The following AR variants were observed in gnomAD, a reference collection of about 807,000 sequenced individuals.
AR encodes dihydrotestosterone receptor.
In AR, 8 loss-of-function variants were observed where a neutral mutation model predicts 53.9. The observed-to-expected ratio is 0.15, with a 90% CI of 0.09 to 0.27. The LOEUF (loss-of-function observed/expected upper bound fraction) is 0.27. AR is among the 10% of genes least tolerant of loss of function. AR has a pLI of 1.00. For synonymous variants in AR, 359 were observed against 316.4 expected (o/e 1.13, Z -1.43); for missense variants, 639 against 742.5 (o/e 0.86, Z 1.62).
intron 1 of AR, among the ~76,000 whole-genome samples, chrX:67,582,520 C>T (rs1202545130): frequency 9.0e-6 from 1 of 111,605 alleles, no homozygotes; most frequent in Non-Finnish European, 1.9e-5. Context: ...GACAGAATTG[C>T]CTTTGACTTA....
intron 1 of AR, among the ~76,000 whole-genome samples, chrX:67,596,998 T>C (rs972105966): frequency 8.9e-6 from 1 of 111,903 alleles, no homozygotes; most frequent in African/African-American, 3.3e-5. Flanking sequence ...AACAGAGAGG[T>C]AAGTGATTTG....
intron 2 of AR, among the ~76,000 whole-genome samples, chrX:67,646,784 G>A (rs776873013): frequency 4.5e-5 from 5 of 110,781 alleles, no homozygotes; most frequent in Admixed American, 1.9e-4. Flanking sequence ...TTTTGTGACC[G>A]TTCTACAAAT....
At chrX:67,681,731 G>A (rs758415213) in intron 2 of AR, among the ~76,000 whole-genome samples, 5 of 112,361 alleles carry the variant, frequency 4.4e-5, no homozygotes, top group Non-Finnish European at 9.4e-5. Flanking sequence ...CTGTATTCAA[G>A]AAAAGATAGG....
chrX:67,563,920 T>C (rs1001904581), intron 1 of AR, among the ~76,000 whole-genome samples: 9 of 111,564 alleles, frequency 8.1e-5, no homozygotes, highest in Middle Eastern at 4.6e-3. Context: ...GTTGCACATA[T>C]TGGCACCCTT....
rs770157351 is a variant in AR at position 67,721,183 on chromosome X, G to GACATTTAAAC, written c.2319-649_2319-640dup. Among the ~76,000 whole-genome samples, 11 of 112,081 alleles carry GACATTTAAAC rather than the reference G, an allele frequency of 9.8e-5. No homozygotes were observed. The East Asian group carries it at 2.5e-3, about 26-fold the overall frequency. ...GGGAATGGGCTCCCCTTCAGCAGGG[G>GACATTTAAAC]ACATTTAAACTAGACATTCAAAAAC... On this transcript the variant is annotated intron_variant, in intron 5 of 7. Coordinates refer to ENST00000374690, the MANE Select transcript of AR (RefSeq NM_000044.6).
intron 1 of AR, among the ~76,000 whole-genome samples, chrX:67,630,989 A>G (rs1925063571): frequency 9.0e-6 from 1 of 111,106 alleles, no homozygotes; most frequent in South Asian, 3.8e-4. Flanking sequence ...CTGGCTTGTA[A>G]AGTTTCTGCC....
At chrX:67,598,391 C>CTG (rs998431564) in intron 1 of AR, among the ~76,000 whole-genome samples, 1 of 108,708 alleles carries the variant, frequency 9.2e-6, no homozygotes, top group Non-Finnish European at 1.9e-5. Context: ...CAAGCATTCT[C>CTG]TGACTTCAGC....
intron 1 of AR, among the ~76,000 whole-genome samples, chrX:67,610,971 C>G (rs1000064938): frequency 9.0e-6 from 1 of 111,283 alleles, no homozygotes; most frequent in Non-Finnish European, 1.9e-5. Flanking sequence ...AAAATGGAGG[C>G]AATAATGGTC....
At chrX:67,603,811 C>G (rs1602185507) in intron 1 of AR, among the ~76,000 whole-genome samples, 2 of 110,979 alleles carry the variant, frequency 1.8e-5, no homozygotes. Flanking sequence ...GAGGCAGAGG[C>G]TGGAGACAGG....
intron 1 of AR, among the ~76,000 whole-genome samples, chrX:67,597,185 C>G (rs922646642): frequency 5.4e-5 from 6 of 112,003 alleles, no homozygotes; most frequent in African/African-American, 1.9e-4. Flanking sequence ...TGATCTCTGT[C>G]AAAACTCCTC....
chrX:67,657,837 C>T (rs1652875162), intron 2 of AR, among the ~76,000 whole-genome samples: 1 of 111,899 alleles, frequency 8.9e-6, no homozygotes, highest in African/African-American at 3.2e-5. Context: ...TAGATTGTTT[C>T]CATATACTCA....
chrX:67,557,417 G>T (rs1360028275), intron 1 of AR, among the ~76,000 whole-genome samples: 1 of 112,230 alleles, frequency 8.9e-6, no homozygotes, highest in Non-Finnish European at 1.9e-5. Context: ...AGGTGCATGG[G>T]CAGGGTAGAA....
At chrX:67,628,195 G>A (rs1214620434) in intron 1 of AR, among the ~76,000 whole-genome samples, 1 of 110,077 alleles carries the variant, frequency 9.1e-6, no homozygotes, top group Non-Finnish European at 1.9e-5. Context: ...TAGCTTGATG[G>A]GGATGGCATT....
intron 1 of AR, among the ~76,000 whole-genome samples, chrX:67,575,609 C>A (rs1188066959): frequency 8.9e-6 from 1 of 111,883 alleles, no homozygotes; most frequent in East Asian, 2.8e-4. Context: ...AGAAACTAGA[C>A]TTTAAGAGCT....
In AR at chrX:67,544,661, C is replaced by T. The variant is rs185535684; in HGVS notation, c.-486C>T. On this transcript the variant is annotated 5_prime_UTR_variant, in exon 1 of 8. Coordinates refer to ENST00000374690, the MANE Select transcript of AR (RefSeq NM_000044.6). ...TCTGTTTTCCCCCACTCTCTCTCCA[C>T]CTCCTCCTGCCTTCCCCACCCCGAG... 1.8e-3 allele frequency: 312 copies of T among 171,294 alleles called. No homozygotes were observed. The highest frequency in any genetic ancestry group is 9.0e-3 in the African/African-American group (295 of 32,661). 14.1% of individuals were successfully genotyped at this position (171,294 alleles called of 1,213,427 possible).
intron 3 of AR, among the ~76,000 whole-genome samples, chrX:67,710,825 A>C (rs776375713): frequency 8.9e-6 from 1 of 111,901 alleles, no homozygotes; most frequent in African/African-American, 3.3e-5. Context: ...ATCCTCATCA[A>C]TCTTCAAATT....
chrX:67,684,318 G>A (rs1733205154), intron 2 of AR, among the ~76,000 whole-genome samples: 1 of 112,145 alleles, frequency 8.9e-6, no homozygotes. Flanking sequence ...CAAATTATGT[G>A]TTCTATTTAT....
chrX:67,717,410 A>G (rs2076117796), intron 4 of AR, 68 bp from the exon 5 acceptor site: 1 of 1,182,983 alleles, frequency 8.5e-7, no homozygotes, highest in Non-Finnish European at 1.1e-6. Flanking sequence ...TCTGCCCAAC[A>G]GGGACTCAGA....
chrX:67,663,681 G>T (rs1197997335), intron 2 of AR, among the ~76,000 whole-genome samples: 1 of 112,095 alleles, frequency 8.9e-6, no homozygotes, highest in African/African-American at 3.2e-5. Flanking sequence ...TGCCTTGCTA[G>T]ATTGGGGAAG....
Sources: gnomAD v4.1 joint callset for allele counts (sites outside exome capture counted in the v4.1 genomes callset) on GRCh38, gnomAD v4.1.1 for gene constraint, MANE v1.5 for transcripts, NCBI Gene and HGNC (gene_info 2026-07-23, HGNC 2026-07-21) for gene names.